The following STK33 variants were observed in gnomAD, a reference collection of about 807,000 sequenced individuals.
STK33 encodes serine/threonine kinase 33, also known as serine/threonine-protein kinase 33.
STK33 carries 52 observed loss-of-function variants against 58.0 expected under a neutral mutation model. The observed-to-expected ratio is 0.90, with a 90% CI of 0.72 to 1.13. STK33 has a LOEUF of 1.13. Ranked by LOEUF, STK33 falls within the 50% of genes most tolerant of loss-of-function variation. The pLI is 0.00. For synonymous variants in STK33, 215 were observed against 200.1 expected (o/e 1.07, Z -0.63); for missense variants, 630 against 604.2 (o/e 1.04, Z -0.45).
At chr11:8,355,625 C>T in the STK33 span, among the ~76,000 whole-genome samples, 2 of 152,180 alleles carry the variant, frequency 1.3e-5, no homozygotes, top group Admixed American at 1.3e-4. Context: ...GGGATTGAGG[C>T]CAGCAGCACA....
At chr11:8,349,703 C>T in the STK33 span, among the ~76,000 whole-genome samples, 8 of 152,198 alleles carry the variant, frequency 5.3e-5, no homozygotes, top group Non-Finnish European at 1.2e-4. Context: ...TGCCCCCAGT[C>T]GGGACAATTA....
intron 15 of STK33, 121 bp downstream of exon 15, chr11:8,413,374 C>T (rs1229615569): frequency 1.9e-6 from 2 of 1,039,056 alleles, no homozygotes; most frequent in East Asian, 4.8e-5. Context: ...ACTTTACTTG[C>T]TATATAACGC....
the STK33 span, among the ~76,000 whole-genome samples, chr11:8,384,902 T>C: frequency 5.9e-5 from 9 of 152,136 alleles, no homozygotes; most frequent in Non-Finnish European, 1.0e-4. Flanking sequence ...CTCTTAGTCT[T>C]GTCTCTTATT....
chr11:8,543,551 C>T lies in STK33; in HGVS notation c.-466+50532G>A, dbSNP rs116224793. ...CTGTGGTATCTAAAAATCAAAACAA[C>T]TGAACTCATAGATGTAGAAAGTAGA... On this transcript the variant is annotated intron_variant, in intron 1 of 15. Transcript: ENST00000687296. 7.0e-3 allele frequency among the ~76,000 whole-genome samples: 1,069 copies of T among 152,012 alleles called. 13 individuals are homozygous for T. Among genetic ancestry groups the T allele is most frequent in the African/African-American group, 0.023 (974 of 41,460 alleles).
At chr11:8,410,923 G>A (rs1376339163) in intron 15 of STK33, among the ~76,000 whole-genome samples, 1 of 152,134 alleles carries the variant, frequency 6.6e-6, no homozygotes, top group East Asian at 1.9e-4. Flanking sequence ...CTTCCTCTAT[G>A]GTTATGGGGA....
At chr11:8,508,166 C>G (rs929691335) in intron 1 of STK33, among the ~76,000 whole-genome samples, 2 of 151,892 alleles carry the variant, frequency 1.3e-5, no homozygotes, top group African/African-American at 4.8e-5. Context: ...GCTGGGATTA[C>G]AGGTGTGAAC....
At chr11:8,356,255 G>T in the STK33 span, among the ~76,000 whole-genome samples, 1 of 152,188 alleles carries the variant, frequency 6.6e-6, no homozygotes, top group Non-Finnish European at 1.5e-5. Flanking sequence ...ATCCACCCAG[G>T]AGCATCCACG....
chr11:8,466,930 C>T lies in STK33; in HGVS notation c.340-2108G>A, dbSNP rs935268371. The T allele has an allele frequency of 3.9e-5, 6 of 152,316 alleles. No individual in the cohort carries two copies. The East Asian group carries it at 1.2e-3, about 29-fold the overall frequency. 9.4% of individuals were successfully genotyped at this position (152,316 alleles called of 1,614,324 possible). A position where few individuals can be genotyped will look rare whatever the true frequency, so the allele number is the denominator to read the frequency against. On this transcript the variant is annotated intron_variant, in intron 6 of 15. Transcript: ENST00000687296. ...ACATTAAAGCAGCCAAGGCTTGAGGCTTGCACCCTCTGAGGCCATGGCCCG... is the reference window on the plus strand; with the variant it reads ...ACATTAAAGCAGCCAAGGCTTGAGGTTTGCACCCTCTGAGGCCATGGCCCG...
At chr11:8,385,228 C>G in the STK33 span, among the ~76,000 whole-genome samples, 1 of 152,266 alleles carries the variant, frequency 6.6e-6, no homozygotes, top group Non-Finnish European at 1.5e-5. Context: ...CCTGGTTCCA[C>G]TTTTGTTCCA....
At chr11:8,419,403 C>A (rs562854907) in intron 14 of STK33, among the ~76,000 whole-genome samples, 108 of 152,112 alleles carry the variant, frequency 7.1e-4, no homozygotes, top group African/African-American at 2.5e-3. Context: ...GATGTGAGGT[C>A]TTATTTCTGG....
At chr11:8,405,024 G>A (rs76359476) in intron 15 of STK33, among the ~76,000 whole-genome samples, 15,002 of 152,156 alleles carry the variant, frequency 0.099, 1,365 homozygotes, top group African/African-American at 0.24. Flanking sequence ...TGTAGTCCCA[G>A]CTACCCAGGA....
intron 1 of STK33, among the ~76,000 whole-genome samples, chr11:8,536,152 T>C (rs1422456952): frequency 2.0e-5 from 3 of 152,024 alleles, no homozygotes; most frequent in Non-Finnish European, 2.9e-5. Context: ...GGTACAAACA[T>C]ACAGTTAGAT....
At chr11:8,580,546 CCT>C (rs1312929560) in intron 1 of STK33, among the ~76,000 whole-genome samples, 1 of 151,852 alleles carries the variant, frequency 6.6e-6, no homozygotes, top group East Asian at 1.9e-4. Flanking sequence ...ATGAATAAGA[CCT>C]AGTATTTGAT....
intron 7 of STK33, among the ~76,000 whole-genome samples, chr11:8,463,785 A>T (rs985162736): frequency 3.3e-5 from 5 of 152,318 alleles, no homozygotes; most frequent in Admixed American, 3.3e-4. Flanking sequence ...CTAAAGTTGC[A>T]AGTAGGTATG....
chr11:8,577,895 A>G (rs1217907610), intron 1 of STK33, among the ~76,000 whole-genome samples: 6 of 152,108 alleles, frequency 3.9e-5, no homozygotes, highest in Non-Finnish European at 7.4e-5. Context: ...AACTTTCCTG[A>G]GCAAGAATCA....
intron 11 of STK33, among the ~76,000 whole-genome samples, chr11:8,444,952 T>C (rs1300867275): frequency 6.6e-6 from 1 of 152,210 alleles, no homozygotes; most frequent in African/African-American, 2.4e-5. Flanking sequence ...TTGATGGGGA[T>C]AGCACGAAAT....
At chr11:8,444,982 C>G (rs1212038067) in intron 11 of STK33, among the ~76,000 whole-genome samples, 6 of 152,128 alleles carry the variant, frequency 3.9e-5, no homozygotes, top group African/African-American at 1.4e-4. Context: ...ACTTTGGACA[C>G]TATGGCGATT....
intron 1 of STK33, among the ~76,000 whole-genome samples, chr11:8,504,742 G>A (rs2139238499): frequency 6.6e-6 from 1 of 152,254 alleles, no homozygotes; most frequent in South Asian, 2.1e-4. Context: ...AGGCTTCAGT[G>A]AGCTACGATC....
chr11:8,416,591 G>A (rs1299351958), intron 14 of STK33, among the ~76,000 whole-genome samples: 1 of 152,130 alleles, frequency 6.6e-6, no homozygotes, highest in Non-Finnish European at 1.5e-5. Context: ...ACTGTACAAA[G>A]CAAGGATTGC....
Sources: allele counts gnomAD v4.1 joint callset (sites outside exome capture counted in the v4.1 genomes callset), GRCh38; gene constraint gnomAD v4.1.1; transcripts MANE v1.5; gene names NCBI Gene and HGNC (gene_info 2026-07-23, HGNC 2026-07-21).